Variants in TOMM20L observed in about 807,000 individuals in gnomAD.
TOMM20L encodes translocase of outer mitochondrial membrane 20 like, also known as TOMM20-like protein 1.
In TOMM20L, 19 loss-of-function variants were observed where a neutral mutation model predicts 20.4. That is an observed-to-expected ratio of 0.93 (90% CI 0.65 to 1.36). The LOEUF (loss-of-function observed/expected upper bound fraction) is 1.36, where lower values mean the gene tolerates loss of function less well. Ranked by LOEUF, TOMM20L falls within the 40% of genes most tolerant of loss-of-function variation. The pLI, the probability that TOMM20L is intolerant of heterozygous loss-of-function variation, is 0.00. For missense variants in TOMM20L, 218 were observed against 203.7 expected (o/e 1.07, Z -0.43); for synonymous variants, 75 against 79.6 (o/e 0.94, Z 0.30).
At chr14:58,412,118 C>T (rs1053537641), downstream of TOMM20L, 50 of 588,930 alleles carry the variant, frequency 8.5e-5, no homozygotes, top group Admixed American at 3.0e-5. Context: ...TCATTAATGA[C>T]CATAGAACCT....
chr14:58,412,333 G>A (rs936330382), downstream of TOMM20L, among the ~76,000 whole-genome samples: 3 of 151,964 alleles, frequency 2.0e-5, no homozygotes, highest in African/African-American at 4.8e-5. Flanking sequence ...GTAGAGATGG[G>A]GTTTCACCAT....
At chr14:58,409,048 C>T, downstream of TOMM20L, 1 of 1,613,094 alleles carries the variant, frequency 6.2e-7, no homozygotes, top group Non-Finnish European at 8.5e-7. Flanking sequence ...CGTGGTTGGC[C>T]AAGGAGTCCT....
chr14:58,397,769 A>T (rs956295685), intron 2 of TOMM20L, among the ~76,000 whole-genome samples: 8 of 152,184 alleles, frequency 5.3e-5, no homozygotes, highest in Admixed American at 3.3e-4. Context: ...ACTGAGATTC[A>T]ATGGAGGAAT....
intron 3 of TOMM20L, among the ~76,000 whole-genome samples, chr14:58,405,897 A>G (rs1194266365): frequency 6.6e-6 from 1 of 151,928 alleles, no homozygotes; most frequent in Non-Finnish European, 1.5e-5. Context: ...TCTTCATCAA[A>G]CCCCAAACCA....
At chr14:58,404,258 T>C (rs1237939858) in intron 3 of TOMM20L, among the ~76,000 whole-genome samples, 1 of 138,190 alleles carries the variant, frequency 7.2e-6, no homozygotes, top group East Asian at 2.2e-4. Context: ...GCCTCCCAAG[T>C]AGCTGGGACT....
chr14:58,399,885 CATATATATATATATATATATATAT>C (rs869260438), intron 2 of TOMM20L, among the ~76,000 whole-genome samples: 76 of 37,314 alleles, frequency 2.0e-3, no homozygotes, highest in Admixed American at 5.8e-3. Context: ...TGCTCTATTG[CATATATATATATATATATATATAT>C]ATATATATAT....
chr14:58,407,005 G>A (rs1243929216), intron 3 of TOMM20L, among the ~76,000 whole-genome samples: 1 of 152,048 alleles, frequency 6.6e-6, no homozygotes, highest in Non-Finnish European at 1.5e-5. Flanking sequence ...AATAAAAGCA[G>A]ACAACTGCTT....
At chr14:58,413,082 T>G (rs927843531), downstream of TOMM20L, among the ~76,000 whole-genome samples, 1 of 152,126 alleles carries the variant, frequency 6.6e-6, no homozygotes, top group African/African-American at 2.4e-5. Flanking sequence ...CAACATACAA[T>G]CACATAAAAA....
the TOMM20L span, among the ~76,000 whole-genome samples, chr14:58,415,092 G>A: frequency 2.0e-5 from 3 of 152,168 alleles, no homozygotes; most frequent in Non-Finnish European, 4.4e-5. Context: ...GCCTGGTGAG[G>A]AGCCAGAATG....
chr14:58,399,947 A>G (rs1454417394), intron 2 of TOMM20L, among the ~76,000 whole-genome samples: 6 of 122,852 alleles, frequency 4.9e-5, no homozygotes, highest in East Asian at 2.4e-4. Flanking sequence ...GTCTATTTCT[A>G]TTACTTCCCT....
chr14:58,404,137 TTTTTTTTTTG>T (rs1298908880), intron 3 of TOMM20L, among the ~76,000 whole-genome samples: 1 of 8,642 alleles, frequency 1.2e-4, no homozygotes, highest in African/African-American at 1.9e-4. Flanking sequence ...TTTTTTTTTT[TTTTTTTTTTG>T]GAGACGGAGT....
At chr14:58,396,642 G>A (rs2035927892) in intron 2 of TOMM20L, among the ~76,000 whole-genome samples, 1 of 152,242 alleles carries the variant, frequency 6.6e-6, no homozygotes, top group Non-Finnish European at 1.5e-5. Context: ...CCCTGTCAGA[G>A]CCGCACAGGA....
At chr14:58,412,472 C>T (rs1048278813), downstream of TOMM20L, among the ~76,000 whole-genome samples, 14 of 152,154 alleles carry the variant, frequency 9.2e-5, no homozygotes. Flanking sequence ...TAGTTTGGGA[C>T]TCAAAGGCCC....
intron 3 of TOMM20L, 137 bp downstream of exon 3, chr14:58,402,898 G>C (rs1282184894): frequency 1.5e-6 from 1 of 657,012 alleles, no homozygotes; most frequent in Non-Finnish European, 2.7e-6. Context: ...ATCCCAGCAT[G>C]TTCACTTCAT....
At chr14:58,399,156 G>A (rs1171159574) in intron 2 of TOMM20L, among the ~76,000 whole-genome samples, 2 of 152,182 alleles carry the variant, frequency 1.3e-5, no homozygotes, top group South Asian at 2.1e-4. Context: ...GAAGTGTTGG[G>A]ATTACACGAG....
At chr14:58,409,225 T>C, downstream of TOMM20L, 1 of 1,586,946 alleles carries the variant, frequency 6.3e-7, no homozygotes, top group Non-Finnish European at 8.6e-7. Context: ...TTTTTTAAAA[T>C]GCATGTATTC....
Position 58,396,045 on chromosome 14 carries a change from A to C in TOMM20L, c.88A>C (p.Asn30His), listed in dbSNP as rs372713133. Residue 30 changes from asparagine (N) to histidine (H), a missense_variant, in exon 1 of 5, where the codon AAC (asparagine) becomes CAC (histidine). By Grantham distance (68) the Asn-to-His change is moderately conservative. Coordinates refer to ENST00000360945, the MANE Select transcript of TOMM20L (RefSeq NM_207377.3). ...FAFLGYCIYL[N>H]RKRRGDPAFK... Reference sequence around the variant, plus strand: ...CTTCCTGGGCTATTGTATTTACCTCAACCGGAAGCGGCGCGGGGACCCCGC... The same window carrying C: ...CTTCCTGGGCTATTGTATTTACCTCCACCGGAAGCGGCGCGGGGACCCCGC... The C allele has an allele frequency of 8.4e-6, 12 of 1,425,278 alleles. No individual in the cohort carries two copies. The East Asian group carries it at 3.4e-4, about 40-fold the overall frequency. 88.3% of individuals were successfully genotyped at this position (1,425,278 alleles called of 1,614,324 possible). A position where few individuals can be genotyped will look rare whatever the true frequency, so the allele number is the denominator to read the frequency against.
At chr14:58,409,077 T>C, downstream of TOMM20L, 1 of 1,614,006 alleles carries the variant, frequency 6.2e-7, no homozygotes, top group Non-Finnish European at 8.5e-7. Context: ...TGCCAGGGCT[T>C]CATTCTGCTG....
At chr14:58,415,986 C>T in the TOMM20L span, among the ~76,000 whole-genome samples, 38 of 149,850 alleles carry the variant, frequency 2.5e-4, no homozygotes, top group East Asian at 6.6e-3. Context: ...GAGGCCAAAG[C>T]GGGTGGGTCG....
Sources: gnomAD v4.1 joint callset for allele counts (sites outside exome capture counted in the v4.1 genomes callset) on GRCh38, gnomAD v4.1.1 for gene constraint, MANE v1.5 for transcripts, NCBI Gene and HGNC (gene_info 2026-07-23, HGNC 2026-07-21) for gene names.